Variants in NADK2 observed in about 807,000 individuals in gnomAD.
NADK2 encodes the protein NAD kinase 2, mitochondrial.
A neutral mutation model predicts 62.1 loss-of-function variants in NADK2; 35 were observed. That is an observed-to-expected ratio of 0.56 (90% CI 0.43 to 0.75). The LOEUF (loss-of-function observed/expected upper bound fraction) is 0.75, where lower values mean the gene tolerates loss of function less well. NADK2 is among the 30% of genes least tolerant of loss of function. NADK2 has a pLI of 0.00. For missense variants in NADK2, 439 were observed against 561.3 expected, an observed-to-expected ratio of 0.78 and a Z score of 2.20; for synonymous variants, 205 against 207.9, an observed-to-expected ratio of 0.99 and a Z score of 0.12.
intron 1 of NADK2, among the ~76,000 whole-genome samples, chr5:36,235,313 G>C (rs1475562823): frequency 6.6e-6 from 1 of 152,058 alleles, no homozygotes; most frequent in African/African-American, 2.4e-5. Context: ...CCAAATCAAT[G>C]CTATTTCAGG....
At chr5:36,230,621 T>G (rs1422211997) in intron 1 of NADK2, among the ~76,000 whole-genome samples, 1 of 152,212 alleles carries the variant, frequency 6.6e-6, no homozygotes, top group Non-Finnish European at 1.5e-5. Context: ...AAAGCAAGAA[T>G]AGTGCAGAAG....
intron 1 of NADK2, among the ~76,000 whole-genome samples, chr5:36,229,396 A>C (rs772179705): frequency 8.5e-5 from 13 of 152,238 alleles, no homozygotes; most frequent in Non-Finnish European, 1.6e-4. Context: ...GAAAGCACTG[A>C]CTATGATAAT....
Position 36,195,148 on chromosome 5 carries a change from T to A in NADK2, c.1325A>T (p.Gln442Leu). ...AATTTGTCATGAGGAAATCCTTCAC[T>A]GTTCAAGAAGCACAGTTCGAAGCTC... ...EDELRTVLLE[Q>L] Residue 442 changes from glutamine to leucine, a missense_variant, in exon 12 of 12, where the codon CAG (glutamine) becomes CTG (leucine). By Grantham distance (113) the Gln-to-Leu change is moderately radical. Coordinates refer to ENST00000381937, the MANE Select transcript of NADK2 (RefSeq NM_001085411.3). 1 of 1,603,314 alleles carries A rather than the reference T, an allele frequency of 6.2e-7. No homozygotes were observed. The highest frequency in any genetic ancestry group is 8.5e-7 in the Non-Finnish European group (1 of 1,176,688).
intron 1 of NADK2, among the ~76,000 whole-genome samples, chr5:36,233,631 A>G (rs1747791091): frequency 6.6e-6 from 1 of 152,210 alleles, no homozygotes; most frequent in Non-Finnish European, 1.5e-5. Context: ...GTTATCTTTT[A>G]TTTAAAATAT....
At chr5:36,226,370 G>A (rs952497444) in intron 3 of NADK2, 105 bp downstream of exon 3, 1 of 785,526 alleles carries the variant, frequency 1.3e-6, no homozygotes, top group Non-Finnish European at 2.0e-6. Context: ...GTGTTTAATG[G>A]TAAGACTCTG....
intron 6 of NADK2, among the ~76,000 whole-genome samples, chr5:36,213,552 C>T (rs1746927892): frequency 6.9e-6 from 1 of 144,120 alleles, no homozygotes; most frequent in African/African-American, 2.5e-5. Context: ...TTGTTGTTTA[C>T]CTAAATTATC....
intron 6 of NADK2, among the ~76,000 whole-genome samples, chr5:36,216,757 T>A (rs1301702894): frequency 6.6e-6 from 1 of 152,142 alleles, no homozygotes; most frequent in Non-Finnish European, 1.5e-5. Flanking sequence ...AGACTGCTGG[T>A]GAAGACAGTC....
intron 8 of NADK2, among the ~76,000 whole-genome samples, chr5:36,204,179 G>C (rs1406119449): frequency 6.6e-6 from 1 of 152,178 alleles, no homozygotes; most frequent in Non-Finnish European, 1.5e-5. Flanking sequence ...ACAGTACAAA[G>C]TAGCAGGGGC....
intron 1 of NADK2, among the ~76,000 whole-genome samples, chr5:36,234,360 G>A (rs1389601169): frequency 6.7e-5 from 7 of 104,340 alleles, no homozygotes; most frequent in South Asian, 3.5e-4. Context: ...GCGACAGAGC[G>A]AAACTCCGTC....
At position 36,193,539 on chromosome 5, in the gene NADK2, C is replaced by T. The variant is rs1746105460; in HGVS notation, c.*1605G>A. 6.9e-6 allele frequency: 1 copy of T among 145,362 alleles called. No homozygotes were observed. The highest frequency in any genetic ancestry group is 1.5e-5 in the Non-Finnish European group (1 of 67,046). 9.0% of individuals were successfully genotyped at this position (145,362 alleles called of 1,614,324 possible). On this transcript the variant is annotated 3_prime_UTR_variant, in exon 12 of 12. Transcript: ENST00000381937. ...TTAGGGGAGGTTCTATAGTATGGAG[C>T]TTCTTTATAAAGTGGTATCTTATGT... is the stretch of plus-strand genomic sequence containing the variant.
chr5:36,233,014 T>C (rs1747761482), intron 1 of NADK2, among the ~76,000 whole-genome samples: 1 of 152,198 alleles, frequency 6.6e-6, no homozygotes, highest in Non-Finnish European at 1.5e-5. Flanking sequence ...ATCATTTACA[T>C]GAGCAACTTA....
At chr5:36,217,282 A>G (rs1747079552) in intron 6 of NADK2, among the ~76,000 whole-genome samples, 1 of 152,224 alleles carries the variant, frequency 6.6e-6, no homozygotes, top group African/African-American at 2.4e-5. Context: ...AAAGCTGCCA[A>G]ATCACCTTAT....
chr5:36,217,924 A>T (rs374487322), intron 5 of NADK2, 40 bp from the exon 6 acceptor site: 35 of 1,574,554 alleles, frequency 2.2e-5, no homozygotes, highest in Non-Finnish European at 3.0e-5. Flanking sequence ...GTTAAAATAG[A>T]ATAAATTAAA....
At chr5:36,234,777 T>C (rs993420326) in intron 1 of NADK2, among the ~76,000 whole-genome samples, 3 of 152,240 alleles carry the variant, frequency 2.0e-5, no homozygotes, top group Non-Finnish European at 2.9e-5. Flanking sequence ...CATTTCTATA[T>C]GTTTGAAATA....
rs1746088265 is a variant in NADK2, at chr5:36,193,301, C to CCCAT, written c.*1839_*1842dup. 1 of 151,676 alleles carries CCCAT rather than the reference C, an allele frequency of 6.6e-6. No homozygotes were observed. The highest frequency in any genetic ancestry group is 2.1e-4 in the South Asian group (1 of 4,806). The allele number at this position is 151,676 out of a possible 1,614,324, so 9.4% of individuals were successfully genotyped here. ...ACCAGCCTGACCAACATGGTGAATC[C>CCCAT]CCATATCTACTAAAAATACAAAAAA... On this transcript the variant is annotated 3_prime_UTR_variant, in exon 12 of 12. Transcript: ENST00000381937.
chr5:36,197,921 AAG>A (rs1161941921), intron 10 of NADK2, among the ~76,000 whole-genome samples: 4 of 152,024 alleles, frequency 2.6e-5, no homozygotes, highest in African/African-American at 9.7e-5. Context: ...ACTGGGGAAA[AAG>A]AAAAAAATAA....
chr5:36,207,080 C>G lies in NADK2; in HGVS notation c.956+90G>C, dbSNP rs1746667819. 9 of 991,548 alleles carry G rather than the reference C, an allele frequency of 9.1e-6. No homozygotes were observed. In the South Asian group the frequency reaches 1.2e-4, roughly 13 times the overall value. The allele number at this position is 991,548 out of a possible 1,614,324, so 61.4% of individuals were successfully genotyped here. A position where few individuals can be genotyped will look rare whatever the true frequency, so the allele number is the denominator to read the frequency against. ...CCTACATAACACCACCAGGACACCT[C>G]TTGCATATTACAGGCCTTAGATGGG... On this transcript the variant is annotated intron_variant, in intron 8 of 11. Coordinates refer to ENST00000381937, the MANE Select transcript of NADK2 (RefSeq NM_001085411.3).
intron 1 of NADK2, among the ~76,000 whole-genome samples, chr5:36,236,818 A>G (rs1475248972): frequency 6.6e-6 from 1 of 150,618 alleles, no homozygotes; most frequent in Non-Finnish European, 1.5e-5. Flanking sequence ...GAGGCACAGC[A>G]AGGTTACCAA....
At chr5:36,200,858 A>T (rs1746418780) in intron 9 of NADK2, among the ~76,000 whole-genome samples, 1 of 152,038 alleles carries the variant, frequency 6.6e-6, no homozygotes. Flanking sequence ...GCCAAAGAGA[A>T]GCCATAAAAT....
Sources: allele counts gnomAD v4.1 joint callset (sites outside exome capture counted in the v4.1 genomes callset), GRCh38; gene constraint gnomAD v4.1.1; transcripts MANE v1.5; gene names NCBI Gene and HGNC (gene_info 2026-07-23, HGNC 2026-07-21).